FANCD2: variants seen among roughly 807,000 people sequenced by gnomAD.
The protein encoded by FANCD2 is FA complementation group D2, also known as Fanconi anemia group D2 protein.
A neutral mutation model predicts 192.3 loss-of-function variants in FANCD2; 131 were observed. That is an observed-to-expected ratio of 0.68 (90% CI 0.59 to 0.79). The LOEUF (loss-of-function observed/expected upper bound fraction) is 0.79. Ranked by LOEUF, FANCD2 falls within the 30% of genes least tolerant of loss-of-function variation. The probability of loss-of-function intolerance (pLI) is 0.00; values close to 1 mark genes in which losing one functional copy is unlikely to be tolerated. For missense variants in FANCD2, 1,508 were observed against 1,701.6 expected (o/e 0.89, Z 2.00); for synonymous variants, 524 against 612.5 (o/e 0.86, Z 2.13).
intron 2 of FANCD2, among the ~76,000 whole-genome samples, chr3:10,031,681 GAT>G (rs1384182850): frequency 2.0e-5 from 3 of 152,114 alleles, no homozygotes; most frequent in Non-Finnish European, 4.4e-5. Flanking sequence ...TGTAGTCAAA[GAT>G]ATGATACAAA....
chr3:10,038,594 T>TG (rs1452537173), intron 7 of FANCD2, among the ~76,000 whole-genome samples: 1 of 150,704 alleles, frequency 6.6e-6, no homozygotes, highest in Non-Finnish European at 1.5e-5. Flanking sequence ...TTTTTTTTTT[T>TG]TTTGAGACAG....
chr3:10,086,448 C>A (rs1161558228), intron 33 of FANCD2, among the ~76,000 whole-genome samples: 1 of 152,142 alleles, frequency 6.6e-6, no homozygotes, highest in African/African-American at 2.4e-5. Flanking sequence ...ACTGGGTCAG[C>A]AGTCAGTGCT....
intron 17 of FANCD2, among the ~76,000 whole-genome samples, chr3:10,051,970 C>T (rs2087233022): frequency 6.6e-6 from 1 of 151,350 alleles, no homozygotes; most frequent in Non-Finnish European, 1.5e-5. Context: ...AGGGTAAAGA[C>T]ATAACTTTTG....
At chr3:10,069,045 C>CA (rs1172524202) in intron 26 of FANCD2, among the ~76,000 whole-genome samples, 1 of 152,074 alleles carries the variant, frequency 6.6e-6, no homozygotes, top group Non-Finnish European at 1.5e-5. Context: ...CTAACAACAA[C>CA]AACAAAAAAC....
chr3:10,059,799 C>G (rs928560058), intron 18 of FANCD2, among the ~76,000 whole-genome samples: 11 of 150,808 alleles, frequency 7.3e-5, no homozygotes, highest in African/African-American at 2.7e-4. Context: ...GAGCGAGACT[C>G]CTTCTCAAAG....
chr3:10,037,609 C>A (rs951771122), intron 7 of FANCD2: 1 of 151,962 alleles, frequency 6.6e-6, no homozygotes, highest in African/African-American at 2.4e-5. Context: ...TTAGCATGGC[C>A]CTTTTGCAAG....
chr3:10,097,464 G>T (rs566045120), intron 42 of FANCD2, among the ~76,000 whole-genome samples: 50 of 152,326 alleles, frequency 3.3e-4, no homozygotes, highest in Non-Finnish European at 6.2e-4. Context: ...GTTCCATGCT[G>T]AGAAAAAGAA....
At chr3:10,046,874 G>A in intron 15 of FANCD2, 151 bp downstream of exon 15, 1 of 734,850 alleles carries the variant, frequency 1.4e-6, no homozygotes, top group Non-Finnish European at 2.3e-6. Flanking sequence ...CTATCTCAAT[G>A]CAGTTTGCAA....
Position 10,081,143 on chromosome 3 carries a change from G to T in FANCD2, c.3020G>T (p.Arg1007Ile), listed in dbSNP as rs901861823. The T allele has an allele frequency of 6.2e-7, 1 of 1,614,128 alleles. No individual in the cohort carries two copies. Among genetic ancestry groups the T allele is most frequent in the Non-Finnish European group, 8.5e-7 (1 of 1,180,016 alleles). The change falls in exon 31 of 44, where the codon AGA becomes ATA. Residue 1007 changes from arginine (R) to isoleucine (I), a missense_variant. This residue lies in a region of FANCD2 where 796 missense variants were observed against 879.4 expected (regional missense o/e 0.91). Coordinates refer to ENST00000675286, the MANE Select transcript of FANCD2 (RefSeq NM_001018115.3). Reference protein sequence around the residue: ...RNIGFSHLQQRSAQEIVHCVF... With the variant: ...RNIGFSHLQQISAQEIVHCVF... Reference sequence around the variant, plus strand: ...ATTGGATTCTCACATCTCCAACAGAGATCTGCCCAAGAAATTGTTCATTGT... The same window carrying T: ...ATTGGATTCTCACATCTCCAACAGATATCTGCCCAAGAAATTGTTCATTGT...
intron 34 of FANCD2, 32 bp from the exon 35 acceptor site, chr3:10,088,417 A>C: frequency 7.6e-7 from 1 of 1,316,662 alleles, no homozygotes; most frequent in Non-Finnish European, 1.1e-6. Flanking sequence ...AAGTTCCCAT[A>C]TGTAAGATTC....
At chr3:10,069,224 C>A (rs1212235540) in intron 26 of FANCD2, among the ~76,000 whole-genome samples, 1 of 151,950 alleles carries the variant, frequency 6.6e-6, no homozygotes, top group Non-Finnish European at 1.5e-5. Context: ...AGACAGCCCA[C>A]AGAATGCGAG....
At chr3:10,084,289 GC>G (rs1694040246) in intron 32 of FANCD2, among the ~76,000 whole-genome samples, 1 of 128,294 alleles carries the variant, frequency 7.8e-6, no homozygotes, top group South Asian at 2.3e-4. Flanking sequence ...ACTACACCTG[GC>G]TTTTTTTTTT....
At chr3:10,078,303 T>C in intron 30 of FANCD2, 106 bp downstream of exon 30, 1 of 769,668 alleles carries the variant, frequency 1.3e-6, no homozygotes, top group Non-Finnish European at 2.4e-6. Context: ...TTTGGGTCAC[T>C]GGGTAGCATG....
intron 3 of FANCD2, among the ~76,000 whole-genome samples, chr3:10,033,330 G>C (rs538465710): frequency 6.6e-6 from 1 of 152,172 alleles, no homozygotes; most frequent in African/African-American, 2.4e-5. Context: ...GAACCCGGGA[G>C]GTGAAAGTTG....
At chr3:10,049,815 T>G (rs1417024195) in intron 17 of FANCD2, among the ~76,000 whole-genome samples, 1 of 152,228 alleles carries the variant, frequency 6.6e-6, no homozygotes, top group Non-Finnish European at 1.5e-5. Flanking sequence ...ATAATTAAAT[T>G]TAGCCTGGGA....
chr3:10,090,377 T>G lies in FANCD2; in HGVS notation c.3769T>G (p.Ser1257Ala), dbSNP rs1370682611. 6.2e-7 allele frequency: 1 copy of G among 1,602,160 alleles called. No homozygotes were observed. The highest frequency in any genetic ancestry group is 8.5e-7 in the Non-Finnish European group (1 of 1,173,298). ...AATTGAGCCTGGCACAGCAGCAGAC[T>G]CGCAGCAGGTGAGTAAGATAATAGT... The part of the protein sequence containing the change: ...KKIEPGTAAD[S>A]QQIHEEKLLY... Residue 1257 changes from serine to alanine, a missense_variant, in exon 37 of 44, where the codon TCG (serine) becomes GCG (alanine). Physicochemically the swap from Ser to Ala is moderately conservative, Grantham distance 99. Around this residue, in one of 5 missense-constraint regions of FANCD2, gnomAD observed 796 missense variants for 879.4 expected, o/e 0.91. Coordinates refer to ENST00000675286, the MANE Select transcript of FANCD2 (RefSeq NM_001018115.3).
At position 10,035,339 on chromosome 3, in the gene FANCD2, T is replaced by C. The variant is rs17032277; in HGVS notation, c.438+106T>C. 0.16 allele frequency: 168,839 copies of C among 1,032,024 alleles called. 15,434 individuals are homozygous for C. The highest frequency in any genetic ancestry group is 0.32 in the African/African-American group (20,448 of 63,798). 63.9% of individuals were successfully genotyped at this position (1,032,024 alleles called of 1,614,324 possible). A position where few individuals can be genotyped will look rare whatever the true frequency, so the allele number is the denominator to read the frequency against. ...GATAGAGTAGGGTTAATTGGAGAATTTGGGTTTGTAGCAGCTTTAGCACAG... is the reference window on the plus strand; with the variant it reads ...GATAGAGTAGGGTTAATTGGAGAATCTGGGTTTGTAGCAGCTTTAGCACAG... On this transcript the variant is annotated intron_variant, in intron 6 of 43. Coordinates refer to ENST00000675286, the MANE Select transcript of FANCD2 (RefSeq NM_001018115.3).
At chr3:10,053,699 AT>A (rs1361052674) in intron 18 of FANCD2, among the ~76,000 whole-genome samples, 1 of 150,194 alleles carries the variant, frequency 6.7e-6, no homozygotes, top group Non-Finnish European at 1.5e-5. Context: ...TAGTACTAGC[AT>A]TTTTTTTTCT....
chr3:10,079,555 C>T (rs564971759), intron 30 of FANCD2, among the ~76,000 whole-genome samples: 6 of 152,010 alleles, frequency 3.9e-5, no homozygotes, highest in South Asian at 2.1e-4. Flanking sequence ...CCGCCCACCT[C>T]GGCCTCCCAA....
Sources: gnomAD v4.1 joint callset for allele counts (sites outside exome capture counted in the v4.1 genomes callset) on GRCh38, gnomAD v4.1.1 for gene constraint, gnomAD v4.1.1 regional missense constraint, MANE v1.5 for transcripts, NCBI Gene and HGNC (gene_info 2026-07-23, HGNC 2026-07-21) for gene names.